TMOD1: variants seen among roughly 807,000 people sequenced by gnomAD.
The protein encoded by TMOD1 is tropomodulin 1.
TMOD1 carries 17 observed loss-of-function variants against 40.6 expected under a neutral mutation model. The observed-to-expected ratio is 0.42, with a 90% confidence interval of 0.29 to 0.63. The LOEUF (loss-of-function observed/expected upper bound fraction) is 0.63. Among genes scored for constraint, TMOD1 ranks in the 20% least tolerant of loss-of-function variants. The pLI, the probability that TMOD1 is intolerant of heterozygous loss-of-function variation, is 0.22. For synonymous variants in TMOD1, 181 were observed against 175.0 expected, an observed-to-expected ratio of 1.03 and a Z score of -0.27; for missense variants, 391 against 447.6, an observed-to-expected ratio of 0.87 and a Z score of 1.14.
At chr9:97,536,055 G>A (rs970763986) in intron 2 of TMOD1, among the ~76,000 whole-genome samples, 4 of 152,168 alleles carry the variant, frequency 2.6e-5, no homozygotes, top group Admixed American at 1.3e-4. Flanking sequence ...TCACCCCGCT[G>A]CCCCTGCCAC....
At chr9:97,588,002 G>T (rs773665613) in intron 8 of TMOD1, among the ~76,000 whole-genome samples, 4 of 152,218 alleles carry the variant, frequency 2.6e-5, no homozygotes, top group Non-Finnish European at 4.4e-5. Flanking sequence ...CCATTCATCA[G>T]ATGATGGACA....
At chr9:97,541,778 A>G (rs1419919558) in intron 2 of TMOD1, among the ~76,000 whole-genome samples, 1 of 152,196 alleles carries the variant, frequency 6.6e-6, no homozygotes, top group Non-Finnish European at 1.5e-5. Flanking sequence ...GGCCTCCCAA[A>G]GTGCTGGGAT....
intron 8 of TMOD1, among the ~76,000 whole-genome samples, chr9:97,583,065 C>T (rs1234010347): frequency 6.7e-6 from 1 of 148,296 alleles, no homozygotes; most frequent in African/African-American, 2.6e-5. Flanking sequence ...GAGAGGGCAT[C>T]CCTGTCTTGT....
At chr9:97,582,135 C>T (rs1239103145) in intron 8 of TMOD1, among the ~76,000 whole-genome samples, 1 of 152,032 alleles carries the variant, frequency 6.6e-6, no homozygotes, top group Non-Finnish European at 1.5e-5. Flanking sequence ...GGTTTTAGGT[C>T]TAACGTTTAA....
At chr9:97,580,750 C>T (rs932391932) in intron 8 of TMOD1, among the ~76,000 whole-genome samples, 3 of 152,108 alleles carry the variant, frequency 2.0e-5, no homozygotes, top group South Asian at 2.1e-4. Flanking sequence ...GGTCAAGATA[C>T]GAAATATTTC....
intron 4 of TMOD1, among the ~76,000 whole-genome samples, chr9:97,555,219 T>C (rs1443823705): frequency 6.6e-6 from 1 of 152,216 alleles, no homozygotes; most frequent in Non-Finnish European, 1.5e-5. Flanking sequence ...CCGTATATTA[T>C]ACATCACACT....
intron 8 of TMOD1, among the ~76,000 whole-genome samples, chr9:97,574,995 T>C (rs1830899801): frequency 1.3e-5 from 2 of 152,198 alleles, no homozygotes; most frequent in East Asian, 3.9e-4. Context: ...AGGATATGGG[T>C]GGGGCCAGAT....
At position 97,600,853 on chromosome 9, in the gene TMOD1, T is replaced by G; in HGVS notation, c.*1155T>G. The stretch of plus-strand genomic sequence containing the variant: ...TGCGTCTCTTGGGATCCAGCAAAAG[T>G]GTTAAGCCACAATGCCCTTGTGCCT... On this transcript the variant is annotated 3_prime_UTR_variant, in exon 10 of 10. Coordinates refer to ENST00000259365, the MANE Select transcript of TMOD1 (RefSeq NM_003275.4). 4.6e-6 allele frequency: 5 copies of G among 1,089,458 alleles called. No individual in the cohort carries two copies. Among genetic ancestry groups the G allele is most frequent in the Non-Finnish European group, 5.6e-6 (5 of 887,862 alleles). The allele number at this position is 1,089,458 out of a possible 1,614,324, so 67.5% of individuals were successfully genotyped here.
chr9:97,582,868 T>G (rs1825787310), intron 8 of TMOD1, among the ~76,000 whole-genome samples: 1 of 149,290 alleles, frequency 6.7e-6, no homozygotes, highest in South Asian at 2.1e-4. Context: ...GAGACTTTGC[T>G]GAAGTTGCTT....
At chr9:97,570,891 A>T (rs572923815) in intron 8 of TMOD1, among the ~76,000 whole-genome samples, 1 of 152,210 alleles carries the variant, frequency 6.6e-6, no homozygotes, top group African/African-American at 2.4e-5. Context: ...TAATTTATAT[A>T]AAGCAGTCAC....
In TMOD1 at chr9:97,524,245, T is replaced by C. The variant is rs772023178; in HGVS notation, c.57T>C (p.Leu19=). The change falls in exon 2 of 10, where the codon CTT becomes CTC. Residue 19 remains leucine, a synonymous_variant. Transcript: ENST00000259365. ...KYRDLDEDEI[L]GALTEEELRT... ...GTGACCTGGATGAAGATGAAATCCT[T>C]GGAGCCCTAACAGAGGAAGAGCTGA... 6.2e-7 allele frequency: 1 copy of C among 1,614,188 alleles called. No individual in the cohort carries two copies. The highest frequency in any genetic ancestry group is 8.5e-7 in the Non-Finnish European group (1 of 1,180,032).
At position 97,542,515 on chromosome 9, in the gene TMOD1, G is replaced by A. The variant is rs545158150; in HGVS notation, c.121-3670G>A. ...ACATGTTATAATTATATGGCTTTTT[G>A]TTTAATGCAGTGGCTCTCAATCAGG... On this transcript the variant is annotated intron_variant, in intron 2 of 9. Coordinates refer to ENST00000259365, the MANE Select transcript of TMOD1 (RefSeq NM_003275.4). Among the ~76,000 whole-genome samples the A allele has an allele frequency of 2.0e-5, 3 of 152,194 alleles. No homozygotes were observed. The East Asian group carries it at 5.8e-4, about 29-fold the overall frequency.
intron 2 of TMOD1, among the ~76,000 whole-genome samples, chr9:97,530,531 A>G (rs1830080991): frequency 6.8e-6 from 1 of 147,306 alleles, no homozygotes; most frequent in African/African-American, 2.5e-5. Context: ...TCTGTCGCCC[A>G]GGCTGGAGTG....
At chr9:97,553,207 A>G (rs1830479055) in intron 3 of TMOD1, 74 bp from the exon 4 acceptor site, 9 of 1,605,358 alleles carry the variant, frequency 5.6e-6, no homozygotes, top group South Asian at 4.4e-5. Flanking sequence ...ACAATGGTCC[A>G]CGCAGGGCTG....
chr9:97,571,408 T>G (rs1276740700), intron 8 of TMOD1, among the ~76,000 whole-genome samples: 1 of 152,196 alleles, frequency 6.6e-6, no homozygotes, highest in African/African-American at 2.4e-5. Context: ...GCTTGTAAAA[T>G]GAGGATTATA....
chr9:97,583,128 G>T (rs2131283941), intron 8 of TMOD1, among the ~76,000 whole-genome samples: 1 of 150,270 alleles, frequency 6.7e-6, no homozygotes, highest in South Asian at 2.1e-4. Flanking sequence ...TATGATATTG[G>T]CTGTGGGTTT....
intron 8 of TMOD1, among the ~76,000 whole-genome samples, chr9:97,581,557 G>A (rs1284028652): frequency 6.6e-6 from 1 of 151,716 alleles, no homozygotes; most frequent in East Asian, 1.9e-4. Context: ...CTAGATCCCT[G>A]AGGAATCGCC....
At chr9:97,548,451 A>AG (rs1405404079) in intron 3 of TMOD1, among the ~76,000 whole-genome samples, 1 of 151,968 alleles carries the variant, frequency 6.6e-6, no homozygotes, top group Admixed American at 6.6e-5. Context: ...GGGATCCTGG[A>AG]GGGGGTGGCA....
At position 97,546,929 on chromosome 9, in the gene TMOD1, CAAAAAAAAAAAAA is replaced by C. The variant is rs71308254; in HGVS notation, c.277+599_277+611del. ...GGGCAACAGAGTAAGACTCCGTCTC[CAAAAAAAAAAAAA>C]AAAAAAAAAAGACATCAGGACATGA... On this transcript the variant is annotated intron_variant, in intron 3 of 9. Coordinates refer to ENST00000259365, the MANE Select transcript of TMOD1 (RefSeq NM_003275.4). Among the ~76,000 whole-genome samples the C allele has an allele frequency of 7.2e-5, 4 of 55,188 alleles. No individual in the cohort carries two copies. The South Asian group carries it at 3.5e-3, about 48-fold the overall frequency. 36.2% of individuals were successfully genotyped at this position (55,188 alleles called of 152,430 possible).
Sources: allele counts gnomAD v4.1 joint callset (sites outside exome capture counted in the v4.1 genomes callset), GRCh38; gene constraint gnomAD v4.1.1; transcripts MANE v1.5; gene names NCBI Gene and HGNC (gene_info 2026-07-23, HGNC 2026-07-21).